Variants in ARHGAP29 observed in about 807,000 individuals in gnomAD.
The protein encoded by ARHGAP29 is rho GTPase-activating protein 29.
In ARHGAP29, 43 loss-of-function variants were observed where a neutral mutation model predicts 122.6. The observed-to-expected ratio is 0.35, with a 90% CI of 0.27 to 0.45. ARHGAP29 has a LOEUF of 0.45. Among genes scored for constraint, ARHGAP29 ranks in the 20% least tolerant of loss-of-function variants. The pLI, the probability that ARHGAP29 is intolerant of heterozygous loss-of-function variation, is 1.00. For missense variants in ARHGAP29, 1,303 were observed against 1,477.2 expected, an observed-to-expected ratio of 0.88 and a Z score of 1.93; for synonymous variants, 506 against 497.1, an observed-to-expected ratio of 1.02 and a Z score of -0.24.
chr1:94,234,283 G>A (rs552931835), intron 1 of ARHGAP29, among the ~76,000 whole-genome samples: 1 of 152,188 alleles, frequency 6.6e-6, no homozygotes, highest in Admixed American at 6.5e-5. Context: ...ACTATCTGCA[G>A]ATAGGCTTAT....
chr1:94,187,530 T>G (rs1649882989), intron 15 of ARHGAP29, among the ~76,000 whole-genome samples: 1 of 152,190 alleles, frequency 6.6e-6, no homozygotes, highest in South Asian at 2.1e-4. Flanking sequence ...CCAGCCTTGG[T>G]CATATTTTTC....
the ARHGAP29 span, among the ~76,000 whole-genome samples, chr1:94,293,052 G>A: frequency 2.6e-5 from 4 of 152,348 alleles, no homozygotes; most frequent in African/African-American, 9.6e-5. Flanking sequence ...GTTCAGATAT[G>A]CCCTGCCCCA....
chr1:94,223,223 C>T lies in ARHGAP29; in HGVS notation c.206-2831G>A, dbSNP rs957415457. 3.3e-5 allele frequency among the ~76,000 whole-genome samples: 5 copies of T among 152,270 alleles called. No individual in the cohort carries two copies. In the South Asian group the frequency reaches 1.0e-3, roughly 32 times the overall value. The stretch of plus-strand genomic sequence containing the variant: ...CCTCCCAAAGTGCTGGGATTACAGG[C>T]GTGAGCCACCGCCCCTGGCCTATTT... On this transcript the variant is annotated intron_variant, in intron 2 of 22. Transcript: ENST00000260526.
chr1:94,283,897 G>A, the ARHGAP29 span, among the ~76,000 whole-genome samples: 1 of 152,168 alleles, frequency 6.6e-6, no homozygotes, highest in Non-Finnish European at 1.5e-5. Flanking sequence ...AGATTTTCTG[G>A]ATGGGGAATA....
intron 3 of ARHGAP29, among the ~76,000 whole-genome samples, chr1:94,211,156 G>A (rs563431885): frequency 7.4e-4 from 112 of 151,168 alleles, no homozygotes; most frequent in Non-Finnish European, 1.3e-3. Flanking sequence ...CAATGGTGAC[G>A]CGTGCCTGTA....
chr1:94,268,626 T>C (rs1258079312), intron 1 of ARHGAP29, among the ~76,000 whole-genome samples: 2 of 152,308 alleles, frequency 1.3e-5, no homozygotes, highest in Non-Finnish European at 2.9e-5. Flanking sequence ...GTACAATAAG[T>C]ATTGGTTGAA....
intron 12 of ARHGAP29, chr1:94,194,954 G>A (rs544533402): frequency 6.7e-6 from 1 of 150,034 alleles, no homozygotes; most frequent in Non-Finnish European, 1.5e-5. Flanking sequence ...GAGAGTAAAT[G>A]TAGACAAAAG....
At chr1:94,213,254 A>G (rs905226660) in intron 3 of ARHGAP29, among the ~76,000 whole-genome samples, 3 of 152,052 alleles carry the variant, frequency 2.0e-5, no homozygotes, top group African/African-American at 7.2e-5. Flanking sequence ...ATCTCGGCTC[A>G]CTGCAAGCTC....
chr1:94,198,948 C>T (rs542474566), intron 12 of ARHGAP29, among the ~76,000 whole-genome samples: 1 of 152,256 alleles, frequency 6.6e-6, no homozygotes, highest in Non-Finnish European at 1.5e-5. Context: ...AGACTTGCTG[C>T]AAAGCAAAAA....
At chr1:94,259,825 TAA>T (rs1654490625) in intron 1 of ARHGAP29, among the ~76,000 whole-genome samples, 1 of 152,182 alleles carries the variant, frequency 6.6e-6, no homozygotes, top group Non-Finnish European at 1.5e-5. Context: ...GAAAAAAATT[TAA>T]ATACTAAAAT....
At chr1:94,221,657 G>A (rs1652302228) in intron 2 of ARHGAP29, among the ~76,000 whole-genome samples, 1 of 150,168 alleles carries the variant, frequency 6.7e-6, no homozygotes, top group Non-Finnish European at 1.5e-5. Flanking sequence ...ACATACAAAT[G>A]TATGTGCACA....
chr1:94,268,846 C>T (rs1196878014), intron 1 of ARHGAP29, among the ~76,000 whole-genome samples: 2 of 151,702 alleles, frequency 1.3e-5, no homozygotes, highest in Admixed American at 1.3e-4. Flanking sequence ...GAGACAAATC[C>T]CTGAGCCATT....
intron 19 of ARHGAP29, 97 bp from the exon 20 acceptor site, chr1:94,180,054 T>A: frequency 1.3e-6 from 1 of 781,954 alleles, no homozygotes; most frequent in Non-Finnish European, 2.0e-6. Flanking sequence ...CATGTCCCTT[T>A]ACATTAAGAA....
intron 1 of ARHGAP29, among the ~76,000 whole-genome samples, chr1:94,266,801 C>T (rs1262668756): frequency 1.3e-5 from 2 of 152,176 alleles, no homozygotes; most frequent in African/African-American, 4.8e-5. Context: ...ATTGCCTTCA[C>T]GTTCCAGAGA....
the ARHGAP29 span, among the ~76,000 whole-genome samples, chr1:94,307,548 A>G: frequency 6.6e-6 from 1 of 152,238 alleles, no homozygotes; most frequent in African/African-American, 2.4e-5. Flanking sequence ...ACCAGTTATC[A>G]AACAAATTAT....
chr1:94,188,828 T>C lies in ARHGAP29; in HGVS notation c.1681+9A>G. The C allele has an allele frequency of 1.2e-6, 2 of 1,602,984 alleles. No individual in the cohort carries two copies. The highest frequency in any genetic ancestry group is 8.5e-7 in the Non-Finnish European group (1 of 1,173,410). ...GAGTTTTCATTGCCAGACTTAAATA[T>C]AGATGTACCTGGACTTATAGATTCT... On this transcript the variant is annotated intron_variant, in intron 15 of 22. Transcript: ENST00000260526.
upstream of ARHGAP29, among the ~76,000 whole-genome samples, chr1:94,241,968 T>C (rs1245576626): frequency 6.6e-6 from 1 of 151,838 alleles, no homozygotes; most frequent in African/African-American, 2.4e-5. Flanking sequence ...ATAGCACCCT[T>C]GACAACTTGA....
chr1:94,183,373 T>C (rs1649599342), intron 19 of ARHGAP29, among the ~76,000 whole-genome samples: 1 of 152,138 alleles, frequency 6.6e-6, no homozygotes, highest in Non-Finnish European at 1.5e-5. Flanking sequence ...CATGACAATG[T>C]GCTGATTAAG....
At chr1:94,239,881 A>T (rs1487930921), upstream of ARHGAP29, among the ~76,000 whole-genome samples, 2 of 152,180 alleles carry the variant, frequency 1.3e-5, no homozygotes, top group African/African-American at 4.8e-5. Flanking sequence ...CTCAAACCTA[A>T]CAGTACTAAT....
Sources: allele counts gnomAD v4.1 joint callset (sites outside exome capture counted in the v4.1 genomes callset), GRCh38; gene constraint gnomAD v4.1.1; transcripts MANE v1.5; gene names NCBI Gene and HGNC (gene_info 2026-07-23, HGNC 2026-07-21).